Variants in ADAMTS19 observed in about 807,000 individuals in gnomAD.
ADAMTS19 encodes the protein A disintegrin and metalloproteinase with thrombospondin motifs 19.
A neutral mutation model predicts 153.3 loss-of-function variants in ADAMTS19; 93 were observed. That is an observed-to-expected ratio of 0.61 (90% CI 0.51 to 0.72). The LOEUF is 0.72. Among genes scored for constraint, ADAMTS19 ranks in the 30% least tolerant of loss-of-function variants. The probability of loss-of-function intolerance (pLI) is 0.00; values close to 1 mark genes in which losing one functional copy is unlikely to be tolerated. For synonymous variants in ADAMTS19, 600 were observed against 556.6 expected, an observed-to-expected ratio of 1.08 and a Z score of -1.10; for missense variants, 1,482 against 1,552.1, an observed-to-expected ratio of 0.95 and a Z score of 0.76.
Position 129,737,083 on chromosome 5 carries a change from G to T in ADAMTS19, c.3507G>T (p.Lys1169Asn). 6.3e-7 allele frequency: 1 copy of T among 1,597,514 alleles called. No individual in the cohort carries two copies. Among genetic ancestry groups the T allele is most frequent in the Middle Eastern group, 1.7e-4 (1 of 5,988 alleles). Residue 1169 changes from lysine (K) to asparagine (N), a missense_variant, in exon 23 of 23, where the codon AAG becomes AAT. Physicochemically the swap from Lys to Asn is moderately conservative, Grantham distance 94 (BLOSUM62 0). Coordinates refer to ENST00000274487, the MANE Select transcript of ADAMTS19 (RefSeq NM_133638.6). ...TSPRLAALTFKCLGDQWPVYC... is the reference protein window; with the variant it reads ...TSPRLAALTFNCLGDQWPVYC... The stretch of plus-strand genomic sequence containing the variant: ...GTTTCACAGCTGCTCTGACTTTCAA[G>T]TGCCTGGGAGATCAGTGGCCAGTGT...
chr5:129,548,209 A>C (rs1206935319), intron 6 of ADAMTS19, among the ~76,000 whole-genome samples: 1 of 150,166 alleles, frequency 6.7e-6, no homozygotes, highest in African/African-American at 2.5e-5. Context: ...TCTGCACAGC[A>C]AAAGAAACTA....
At chr5:129,681,339 A>G (rs778812024) in intron 17 of ADAMTS19, among the ~76,000 whole-genome samples, 5 of 152,184 alleles carry the variant, frequency 3.3e-5, no homozygotes, top group Non-Finnish European at 5.9e-5. Flanking sequence ...AAGGTTCTAT[A>G]TAACTGCAAT....
At chr5:129,497,469 C>A (rs897619244) in intron 2 of ADAMTS19, among the ~76,000 whole-genome samples, 4 of 152,118 alleles carry the variant, frequency 2.6e-5, no homozygotes, top group African/African-American at 9.7e-5. Flanking sequence ...CACTAAGCTT[C>A]ATTCTCCAAC....
intron 21 of ADAMTS19, among the ~76,000 whole-genome samples, chr5:129,707,630 G>T (rs2127173650): frequency 6.6e-6 from 1 of 152,234 alleles, no homozygotes; most frequent in Middle Eastern, 3.4e-3. Context: ...AGTATTCAGG[G>T]ACAGAGAAAA....
rs201075082 is a variant in ADAMTS19 at position 129,650,025 on chromosome 5, G to GA, written c.2176+1064dup. 4.2e-3 allele frequency among the ~76,000 whole-genome samples: 632 copies of GA among 151,396 alleles called. 8 individuals are homozygous for GA. The highest frequency in any genetic ancestry group is 4.0e-3 in the Non-Finnish European group (269 of 67,738). ...AAACCCTGTCTCTACCAAAAATACA[G>GA]AAAAAAAAATTAGCTGGGTGTTGTG... On this transcript the variant is annotated intron_variant, in intron 13 of 22. Coordinates refer to ENST00000274487, the MANE Select transcript of ADAMTS19 (RefSeq NM_133638.6).
At chr5:129,478,759 G>A (rs1750313289) in intron 2 of ADAMTS19, among the ~76,000 whole-genome samples, 1 of 151,980 alleles carries the variant, frequency 6.6e-6, no homozygotes, top group Admixed American at 6.6e-5. Context: ...ACCCAGGTTG[G>A]TATTGAACTG....
Position 129,551,901 on chromosome 5 carries a change from A to G in ADAMTS19, c.1366A>G (p.Thr456Ala). 6.3e-7 allele frequency: 1 copy of G among 1,575,548 alleles called. No individual in the cohort carries two copies. The highest frequency in any genetic ancestry group is 1.2e-5 in the South Asian group (1 of 83,440). The change falls in exon 7 of 23, where the codon ACT becomes GCT. Residue 456 changes from threonine (T) to alanine (A), a missense_variant. By Grantham distance (58) the Thr-to-Ala change is moderately conservative. Coordinates refer to ENST00000274487, the MANE Select transcript of ADAMTS19 (RefSeq NM_133638.6). ...TGTGCACAAAGATGAACCATGTGAT[A>G]CTGTTGGTAAGTGTGAAAATTCTCA... ...FCVHKDEPCD[T>A]VGIAYLSGMC...
intron 2 of ADAMTS19, among the ~76,000 whole-genome samples, chr5:129,493,976 C>T (rs537119675): frequency 1.1e-4 from 17 of 151,658 alleles, no homozygotes; most frequent in Non-Finnish European, 1.6e-4. Flanking sequence ...GTGGATTGCT[C>T]TCAAATATTT....
chr5:129,460,541 C>A, intron 1 of ADAMTS19, 59 bp downstream of exon 1: 4 of 1,600,172 alleles, frequency 2.5e-6, no homozygotes, highest in Non-Finnish European at 3.4e-6. Context: ...AGACCGCGAA[C>A]GTACGGGTCG....
At chr5:129,664,476 A>G (rs1027416327) in intron 15 of ADAMTS19, among the ~76,000 whole-genome samples, 1 of 152,202 alleles carries the variant, frequency 6.6e-6, no homozygotes, top group East Asian at 1.9e-4. Flanking sequence ...TTAATTAAAT[A>G]AACAGTGTTC....
At chr5:129,593,415 A>G (rs1750235809) in intron 7 of ADAMTS19, among the ~76,000 whole-genome samples, 1 of 152,194 alleles carries the variant, frequency 6.6e-6, no homozygotes. Context: ...TACTCTTGTG[A>G]CAATACCTAG....
At chr5:129,728,117 T>C (rs1309954349) in intron 21 of ADAMTS19, among the ~76,000 whole-genome samples, 1 of 152,154 alleles carries the variant, frequency 6.6e-6, no homozygotes, top group African/African-American at 2.4e-5. Flanking sequence ...ATTAGCATGC[T>C]AAAAGACACT....
In ADAMTS19 at chr5:129,665,752, C is replaced by G. The variant is rs930812760; in HGVS notation, c.2506+173C>G. Among the ~76,000 whole-genome samples, 3 of 151,930 alleles carry G rather than the reference C, an allele frequency of 2.0e-5. No homozygotes were observed. In the South Asian group the frequency reaches 6.2e-4, roughly 32 times the overall value. On this transcript the variant is annotated intron_variant, in intron 16 of 22. Transcript: ENST00000274487. ...TTTTTCCTTCTCTCCCAAGGACTTC[C>G]CAGGAGCAAAAGCAATCTGGTTGTC... is the stretch of plus-strand genomic sequence containing the variant.
chr5:129,717,381 A>G (rs1468426654), intron 21 of ADAMTS19, among the ~76,000 whole-genome samples: 1 of 152,166 alleles, frequency 6.6e-6, no homozygotes, highest in Admixed American at 6.5e-5. Flanking sequence ...CTCTAATTTG[A>G]TAACAACTAA....
At chr5:129,644,338 T>C (rs1752959936) in intron 11 of ADAMTS19, among the ~76,000 whole-genome samples, 1 of 152,200 alleles carries the variant, frequency 6.6e-6, no homozygotes, top group Admixed American at 6.5e-5. Context: ...TTGTGTGCAG[T>C]AGTGCTAAAA....
intron 7 of ADAMTS19, among the ~76,000 whole-genome samples, chr5:129,566,248 A>G (rs1753700543): frequency 1.3e-5 from 2 of 152,202 alleles, no homozygotes; most frequent in Admixed American, 6.5e-5. Context: ...ATGCTGAGAT[A>G]ATGGAAATGT....
rs777016662 is a variant in ADAMTS19 at position 129,694,777 on chromosome 5, T to C, written c.2876T>C (p.Val959Ala). The change falls in exon 19 of 23, where the codon GTG (valine) becomes GCG (alanine). Residue 959 changes from valine to alanine, a missense_variant. Val to Ala is a moderately conservative substitution (Grantham distance 64). Transcript: ENST00000274487. Reference protein sequence around the residue: ...TKIMSKNISIVDNEKCKYLTK... With the variant: ...TKIMSKNISIADNEKCKYLTK... ...ATCATGAGCAAAAATATCAGCATTG[T>C]GGACAATGAGAAATGCAAATACTTA... is the stretch of plus-strand genomic sequence containing the variant. The C allele has an allele frequency of 6.2e-7, 1 of 1,610,868 alleles. No homozygotes were observed. Among genetic ancestry groups the C allele is most frequent in the Non-Finnish European group, 8.5e-7 (1 of 1,178,340 alleles).
intron 8 of ADAMTS19, among the ~76,000 whole-genome samples, chr5:129,618,888 G>C (rs1158896190): frequency 6.6e-6 from 1 of 151,962 alleles, no homozygotes; most frequent in African/African-American, 2.4e-5. Context: ...ATTCACAAGA[G>C]ACTATATAAT....
chr5:129,534,458 G>T lies in ADAMTS19; in HGVS notation c.1328+5781G>T, dbSNP rs185655946. 3.9e-3 allele frequency among the ~76,000 whole-genome samples: 589 copies of T among 152,110 alleles called. 3 individuals carry two copies. The highest frequency in any genetic ancestry group is 6.1e-3 in the Non-Finnish European group (418 of 67,988). ...TAGCTTACCAACCAAAAAAATCCAG[G>T]ACCAGAAGGATTCACAGCCGAATTC... On this transcript the variant is annotated intron_variant, in intron 6 of 22. Transcript: ENST00000274487.
Sources: gnomAD v4.1 joint callset for allele counts (sites outside exome capture counted in the v4.1 genomes callset) on GRCh38, gnomAD v4.1.1 for gene constraint, MANE v1.5 for transcripts, NCBI Gene and HGNC (gene_info 2026-07-23, HGNC 2026-07-21) for gene names.